Variants in PTPRM observed in about 807,000 individuals in gnomAD.
PTPRM encodes protein tyrosine phosphatase receptor type M.
PTPRM carries 47 observed loss-of-function variants against 186.7 expected under a neutral mutation model. The ratio of observed to expected loss-of-function variants is 0.25; its 90% CI spans 0.20 to 0.32. The LOEUF is 0.32. PTPRM is among the 10% of genes least tolerant of loss of function. The pLI, the probability that PTPRM is intolerant of heterozygous loss-of-function variation, is 1.00. For missense variants in PTPRM, 1,494 were observed against 1,865.0 expected (o/e 0.80, Z 3.66); for synonymous variants, 668 against 674.9 (o/e 0.99, Z 0.16).
chr18:8,364,159 G>A lies in PTPRM; in HGVS notation c.3055-6731G>A, dbSNP rs374227480. Among the ~76,000 whole-genome samples, 15 of 152,312 alleles carry A rather than the reference G, an allele frequency of 9.8e-5. No individual in the cohort carries two copies. In the East Asian group the frequency reaches 1.4e-3, roughly 14 times the overall value. On this transcript the variant is annotated intron_variant, in intron 23 of 32. Transcript: ENST00000580170. ...AAGGTCCCCCTTCCAAATAAAGCCA[G>A]TATGAAAGGAAGAATCTAGGAAAGC...
At chr18:7,924,640 A>G (rs984812826) in intron 4 of PTPRM, among the ~76,000 whole-genome samples, 24 of 152,214 alleles carry the variant, frequency 1.6e-4, no homozygotes, top group Admixed American at 2.0e-4. Flanking sequence ...TGTAAGTAAT[A>G]TGAATTTAAT....
chr18:8,143,889 A>G, intron 14 of PTPRM, 110 bp downstream of exon 14: 1 of 1,327,280 alleles, frequency 7.5e-7, no homozygotes, highest in South Asian at 1.3e-5. Flanking sequence ...ACCCAGACAC[A>G]TCTGTGACTC....
chr18:8,283,219 A>G (rs1377422933), intron 19 of PTPRM, among the ~76,000 whole-genome samples: 3 of 152,216 alleles, frequency 2.0e-5, no homozygotes, highest in African/African-American at 7.2e-5. Context: ...AGGTACAGTT[A>G]TGTGAGGTGT....
At chr18:8,221,507 CAG>C (rs1407154946) in intron 14 of PTPRM, among the ~76,000 whole-genome samples, 1 of 152,168 alleles carries the variant, frequency 6.6e-6, no homozygotes, top group Non-Finnish European at 1.5e-5. Context: ...AGAGCAGATT[CAG>C]AGAGAGCCAA....
Position 7,567,469 on chromosome 18 carries a change from C to A in PTPRM, c.-350C>A. ...CGGCCACCGCCACGGCCACGGCCGGCAGCTCGGGTCCCGGGTCCCGGGCAG... is the reference window on the plus strand; with the variant it reads ...CGGCCACCGCCACGGCCACGGCCGGAAGCTCGGGTCCCGGGTCCCGGGCAG... On this transcript the variant is annotated 5_prime_UTR_variant, in exon 1 of 33. Coordinates refer to ENST00000580170, the MANE Select transcript of PTPRM (RefSeq NM_001105244.2). The surrounding 1 kb of genome is among the most constrained non-coding windows in gnomAD (Gnocchi z 4.3). 1 of 184,996 alleles carries A rather than the reference C, an allele frequency of 5.4e-6. No individual in the cohort carries two copies. The highest frequency in any genetic ancestry group is 1.1e-5 in the Non-Finnish European group (1 of 90,504). 11.5% of individuals were successfully genotyped at this position (184,996 alleles called of 1,614,324 possible).
At chr18:8,292,942 A>G (rs1230258549) in intron 19 of PTPRM, among the ~76,000 whole-genome samples, 1 of 152,136 alleles carries the variant, frequency 6.6e-6, no homozygotes, top group Non-Finnish European at 1.5e-5. Context: ...GTAGAGAAAA[A>G]GCAGTGGATA....
chr18:7,761,376 T>C (rs1389485713), intron 1 of PTPRM, among the ~76,000 whole-genome samples: 1 of 152,216 alleles, frequency 6.6e-6, no homozygotes, highest in Non-Finnish European at 1.5e-5. Flanking sequence ...GACATTCTTC[T>C]CATGTTTGAA....
chr18:8,102,722 A>G (rs1378745581), intron 11 of PTPRM, among the ~76,000 whole-genome samples: 2 of 152,188 alleles, frequency 1.3e-5, no homozygotes, highest in South Asian at 2.1e-4. Context: ...GCTCCTGTTA[A>G]TATTAATACT....
At chr18:7,774,376 G>T in intron 2 of PTPRM, 105 bp downstream of exon 2, 1 of 1,389,964 alleles carries the variant, frequency 7.2e-7, no homozygotes, top group Non-Finnish European at 9.9e-7. Context: ...GTTGGTCTTT[G>T]GATGTGGCAG....
intron 19 of PTPRM, among the ~76,000 whole-genome samples, chr18:8,286,340 G>A (rs1038487061): frequency 2.6e-5 from 4 of 152,204 alleles, no homozygotes; most frequent in African/African-American, 7.2e-5. Context: ...TCTGTTTTGA[G>A]AGGTGAATTG....
At chr18:7,661,736 T>G (rs2144389790) in intron 1 of PTPRM, among the ~76,000 whole-genome samples, 1 of 152,340 alleles carries the variant, frequency 6.6e-6, no homozygotes, top group African/African-American at 2.4e-5. Flanking sequence ...CAGAATATAA[T>G]ACTTCCAATA....
intron 3 of PTPRM, among the ~76,000 whole-genome samples, chr18:7,897,346 C>T (rs893847781): frequency 1.3e-5 from 2 of 152,166 alleles, no homozygotes; most frequent in African/African-American, 4.8e-5. Context: ...CCATAAATTC[C>T]TTGGCTATGG....
intron 3 of PTPRM, among the ~76,000 whole-genome samples, chr18:7,895,479 A>T (rs1329504213): frequency 6.6e-6 from 1 of 152,180 alleles, no homozygotes; most frequent in Admixed American, 6.5e-5. Context: ...TTCTGTCAGA[A>T]CATTCCAGAC....
At chr18:8,077,015 CTT>C (rs1256392618) in intron 9 of PTPRM, among the ~76,000 whole-genome samples, 1 of 152,058 alleles carries the variant, frequency 6.6e-6, no homozygotes, top group South Asian at 2.1e-4. Context: ...CTTTTGGTTT[CTT>C]AGTATTACCA....
intron 2 of PTPRM, among the ~76,000 whole-genome samples, chr18:7,819,964 T>A (rs1288234394): frequency 6.6e-6 from 1 of 152,172 alleles, no homozygotes; most frequent in Admixed American, 6.5e-5. Flanking sequence ...CCAGGAGCCA[T>A]TGAAGTGATA....
chr18:7,809,000 T>A (rs1198637399), intron 2 of PTPRM, among the ~76,000 whole-genome samples: 2 of 152,176 alleles, frequency 1.3e-5, no homozygotes, highest in African/African-American at 4.8e-5. Flanking sequence ...GAGTACCTGC[T>A]CTAAGTCAGA....
chr18:7,719,986 C>A (rs747315833), intron 1 of PTPRM, among the ~76,000 whole-genome samples: 9 of 152,064 alleles, frequency 5.9e-5, no homozygotes, highest in Non-Finnish European at 1.3e-4. Flanking sequence ...ATCTCTTGAT[C>A]GCAAGAGTTT....
At chr18:8,269,461 T>C (rs1217071132) in intron 19 of PTPRM, among the ~76,000 whole-genome samples, 1 of 152,002 alleles carries the variant, frequency 6.6e-6, no homozygotes, top group African/African-American at 2.4e-5. Flanking sequence ...ATGCCCATAT[T>C]ACCCAAACTG....
chr18:8,402,212 G>A (rs1157360792), intron 32 of PTPRM, among the ~76,000 whole-genome samples: 1 of 152,168 alleles, frequency 6.6e-6, no homozygotes, highest in Non-Finnish European at 1.5e-5. Context: ...GGTGCTTGGG[G>A]GAGGGGACAC....
Sources: allele counts gnomAD v4.1 joint callset (sites outside exome capture counted in the v4.1 genomes callset), GRCh38; gene constraint gnomAD v4.1.1; non-coding constraint Gnocchi (gnomAD v3.1); transcripts MANE v1.5; gene names NCBI Gene and HGNC (gene_info 2026-07-23, HGNC 2026-07-21).